The following FKTN variants were observed in gnomAD, a reference collection of about 807,000 sequenced individuals.
FKTN encodes fukutin.
In FKTN, 47 loss-of-function variants were observed where a neutral mutation model predicts 58.6. The observed-to-expected ratio is 0.80, with a 90% CI of 0.63 to 1.02. The LOEUF is 1.02. Ranked by LOEUF, FKTN falls within the 50% of genes least tolerant of loss-of-function variation. The probability of loss-of-function intolerance (pLI) is 0.00; values close to 1 mark genes in which losing one functional copy is unlikely to be tolerated. For synonymous variants in FKTN, 178 were observed against 191.9 expected (o/e 0.93, Z 0.60); for missense variants, 516 against 537.3 (o/e 0.96, Z 0.39).
rs886063338 is a variant in FKTN, at chr9:105,639,863, G to T, written c.*4599G>T. 1.5e-6 allele frequency: 2 copies of T among 1,349,440 alleles called. No homozygotes were observed. Among genetic ancestry groups the T allele is most frequent in the East Asian group, 5.7e-5 (2 of 35,322 alleles). The allele number at this position is 1,349,440 out of a possible 1,614,324, so 83.6% of individuals were successfully genotyped here. Reference sequence around the variant, plus strand: ...AGTTTACTGTACTTCACTAGATTTGGTACCTGCTCTCCCCTGGACTTCTTT... The same window carrying T: ...AGTTTACTGTACTTCACTAGATTTGTTACCTGCTCTCCCCTGGACTTCTTT... On this transcript the variant is annotated 3_prime_UTR_variant, in exon 11 of 11. Coordinates refer to ENST00000357998, the MANE Select transcript of FKTN (RefSeq NM_001079802.2).
At chr9:105,565,007 GA>G in intron 1 of FKTN, among the ~76,000 whole-genome samples, 1 of 152,184 alleles carries the variant, frequency 6.6e-6, no homozygotes, top group Non-Finnish European at 1.5e-5. Context: ...CATTCTTAAA[GA>G]AAAGAATCTT....
At chr9:105,608,225 T>A (rs180882022) in intron 7 of FKTN, among the ~76,000 whole-genome samples, 5 of 152,304 alleles carry the variant, frequency 3.3e-5, no homozygotes, top group Admixed American at 2.6e-4. Flanking sequence ...GCTTCTGCCT[T>A]AAGATAGCCC....
In FKTN at chr9:105,639,847, T is replaced by C. The variant is rs914125523; in HGVS notation, c.*4583T>C. 1.2e-5 allele frequency: 16 copies of C among 1,330,734 alleles called. No homozygotes were observed. In the African/African-American group the frequency reaches 2.4e-4, roughly 20 times the overall value. The allele number at this position is 1,330,734 out of a possible 1,614,324, so 82.4% of individuals were successfully genotyped here. ...TTTGCTGGTCCCAAGCAGTTTACTG[T>C]ACTTCACTAGATTTGGTACCTGCTC... On this transcript the variant is annotated 3_prime_UTR_variant, in exon 11 of 11. Coordinates refer to ENST00000357998, the MANE Select transcript of FKTN (RefSeq NM_001079802.2).
At chr9:105,569,920 T>TAG (rs570975828) in intron 1 of FKTN, among the ~76,000 whole-genome samples, 20 of 152,280 alleles carry the variant, frequency 1.3e-4, no homozygotes, top group African/African-American at 4.3e-4. Flanking sequence ...TTAGGAAACT[T>TAG]TACCTAAGTG....
intron 1 of FKTN, among the ~76,000 whole-genome samples, chr9:105,566,359 G>T (rs1839611901): frequency 6.6e-6 from 1 of 152,084 alleles, no homozygotes; most frequent in Non-Finnish European, 1.5e-5. Context: ...ATGAATTCAG[G>T]AGCTGGTTTT....
chr9:105,619,911 G>C, intron 9 of FKTN, 23 bp from the exon 10 acceptor site: 2 of 1,602,980 alleles, frequency 1.2e-6, no homozygotes, highest in Non-Finnish European at 1.7e-6. Context: ...TTCAGTGTGT[G>C]AAGGTTTTCA....
chr9:105,559,743 G>C (rs148419373), intron 1 of FKTN, among the ~76,000 whole-genome samples: 2 of 152,090 alleles, frequency 1.3e-5, no homozygotes, highest in African/African-American at 4.8e-5. Context: ...GCAGGAAATA[G>C]AGTTGAAAAT....
intron 5 of FKTN, among the ~76,000 whole-genome samples, chr9:105,602,304 TAGGACTCTA>T (rs1828019576): frequency 6.6e-6 from 1 of 152,228 alleles, no homozygotes; most frequent in Non-Finnish European, 1.5e-5. Flanking sequence ...GTTCTTGGCC[TAGGACTCTA>T]AATGCCAGTT....
chr9:105,590,272 C>T (rs947987581), intron 3 of FKTN, among the ~76,000 whole-genome samples: 5 of 152,112 alleles, frequency 3.3e-5, no homozygotes, highest in Non-Finnish European at 7.3e-5. Flanking sequence ...GATGATTTCT[C>T]CTTTTGCTTG....
Position 105,620,066 on chromosome 9 carries a change from G to T in FKTN, c.1172+5G>T. 2 of 1,605,522 alleles carry T rather than the reference G, an allele frequency of 1.2e-6. No individual in the cohort carries two copies. Among genetic ancestry groups the T allele is most frequent in the South Asian group, 1.1e-5 (1 of 90,898 alleles). On this transcript the variant is annotated splice_donor_5th_base_variant and intron_variant, in intron 10 of 10. Coordinates refer to ENST00000357998, the MANE Select transcript of FKTN (RefSeq NM_001079802.2). The stretch of plus-strand genomic sequence containing the variant: ...CAAAACAGGAAAAAAATTCAAGTAT[G>T]AATCAAATAAGTACTTATTTATAAA...
chr9:105,568,262 C>T (rs1360146221), intron 1 of FKTN, among the ~76,000 whole-genome samples: 1 of 152,266 alleles, frequency 6.6e-6, no homozygotes, highest in African/African-American at 2.4e-5. Flanking sequence ...ACACCAAAAG[C>T]AATGGCAACA....
rs139505232 is a variant in FKTN, at chr9:105,636,549, G to A, written c.*1285G>A. 1.9e-4 allele frequency: 203 copies of A among 1,049,368 alleles called. 1 individual carries two copies. In the African/African-American group the frequency reaches 3.1e-3, roughly 16 times the overall value. The allele number at this position is 1,049,368 out of a possible 1,614,324, so 65.0% of individuals were successfully genotyped here. ...TTTAGTTTCCTTTTCCCCTCAAGAT[G>A]TCTGAGTCAGCTAGGATGCTGTTTA... On this transcript the variant is annotated 3_prime_UTR_variant, in exon 11 of 11. Coordinates refer to ENST00000357998, the MANE Select transcript of FKTN (RefSeq NM_001079802.2).
intron 8 of FKTN, among the ~76,000 whole-genome samples, chr9:105,616,428 T>C (rs1830827999): frequency 6.6e-6 from 1 of 152,300 alleles, no homozygotes; most frequent in Non-Finnish European, 1.5e-5. Context: ...TATCACTAAC[T>C]AGACATCACT....
chr9:105,608,204 A>T (rs1038885643), intron 7 of FKTN, among the ~76,000 whole-genome samples: 2 of 152,162 alleles, frequency 1.3e-5, no homozygotes, highest in African/African-American at 4.8e-5. Flanking sequence ...ACTTTAATAG[A>T]TTTAGCACTG....
intron 7 of FKTN, among the ~76,000 whole-genome samples, chr9:105,613,721 TTATAG>T: frequency 6.6e-6 from 1 of 152,226 alleles, no homozygotes; most frequent in Non-Finnish European, 1.5e-5. Context: ...ATGATATGAA[TTATAG>T]TAAAAGTATT....
At position 105,636,568 on chromosome 9, in the gene FKTN, C is replaced by G; in HGVS notation, c.*1304C>G. On this transcript the variant is annotated 3_prime_UTR_variant, in exon 11 of 11. Transcript: ENST00000357998. The stretch of plus-strand genomic sequence containing the variant: ...CAAGATGTCTGAGTCAGCTAGGATG[C>G]TGTTTACCCCATCTCTCTCTTATAT... 3 of 1,054,842 alleles carry G rather than the reference C, an allele frequency of 2.8e-6. No homozygotes were observed. Among genetic ancestry groups the G allele is most frequent in the Non-Finnish European group, 3.5e-6 (3 of 858,142 alleles). The allele number at this position is 1,054,842 out of a possible 1,614,324, so 65.3% of individuals were successfully genotyped here.
intron 4 of FKTN, among the ~76,000 whole-genome samples, chr9:105,599,689 A>C (rs566359703): frequency 6.6e-6 from 1 of 151,984 alleles, no homozygotes; most frequent in East Asian, 1.9e-4. Flanking sequence ...TTTTTAGTAG[A>C]GACAGGGTTT....
At position 105,636,603 on chromosome 9, in the gene FKTN, G is replaced by T; in HGVS notation, c.*1339G>T. On this transcript the variant is annotated 3_prime_UTR_variant, in exon 11 of 11. Transcript: ENST00000357998. ...CATCTCTCTCTTATATCACTTGAATGATATATTGTAAGTGAGAGGTAAAGG... is the reference window on the plus strand; with the variant it reads ...CATCTCTCTCTTATATCACTTGAATTATATATTGTAAGTGAGAGGTAAAGG... 1 of 1,153,928 alleles carries T rather than the reference G, an allele frequency of 8.7e-7. No homozygotes were observed. Among genetic ancestry groups the T allele is most frequent in the South Asian group, 1.9e-5 (1 of 53,472 alleles). The allele number at this position is 1,153,928 out of a possible 1,614,324, so 71.5% of individuals were successfully genotyped here. A position where few individuals can be genotyped will look rare whatever the true frequency, so the allele number is the denominator to read the frequency against.
Position 105,561,925 on chromosome 9 carries a change from A to AT in FKTN, c.-181+3775dup, listed in dbSNP as rs199866193. On this transcript the variant is annotated intron_variant, in intron 1 of 10. Coordinates refer to ENST00000357998, the MANE Select transcript of FKTN (RefSeq NM_001079802.2). ...TTTTGAGAACAGCTGAAAAATGTCGATTTTTTTTTTTTTTTGGTCTGACCT... is the reference window on the plus strand; with the variant it reads ...TTTTGAGAACAGCTGAAAAATGTCGATTTTTTTTTTTTTTTTGGTCTGACCT... Among the ~76,000 whole-genome samples the AT allele has an allele frequency of 6.1e-3, 865 of 142,516 alleles. 6 individuals carry two copies. The highest frequency in any genetic ancestry group is 0.046 in the East Asian group (225 of 4,890). 93.5% of individuals were successfully genotyped at this position (142,516 alleles called of 152,430 possible).
Sources: gnomAD v4.1 joint callset for allele counts (sites outside exome capture counted in the v4.1 genomes callset) on GRCh38, gnomAD v4.1.1 for gene constraint, MANE v1.5 for transcripts, NCBI Gene and HGNC (gene_info 2026-07-23, HGNC 2026-07-21) for gene names.